Variants in TMEM132D observed in about 807,000 individuals in gnomAD.
TMEM132D encodes mature OL transmembrane protein.
In TMEM132D, 21 loss-of-function variants were observed where a neutral mutation model predicts 62.3. The ratio of observed to expected loss-of-function variants is 0.34; its 90% CI spans 0.24 to 0.49. TMEM132D has a LOEUF of 0.49. Among genes scored for constraint, TMEM132D ranks in the 20% least tolerant of loss-of-function variants. TMEM132D has a pLI of 0.99. For synonymous variants in TMEM132D, 621 were observed against 575.6 expected (o/e 1.08, Z -1.13); for missense variants, 1,346 against 1,402.8 (o/e 0.96, Z 0.65).
chr12:129,602,699 C>T (rs2137143967), intron 2 of TMEM132D, among the ~76,000 whole-genome samples: 1 of 152,266 alleles, frequency 6.6e-6, no homozygotes, highest in Non-Finnish European at 1.5e-5. Flanking sequence ...ACATCCCCTT[C>T]CCCACACATA....
chr12:129,450,329 A>C (rs1192734479), intron 3 of TMEM132D, among the ~76,000 whole-genome samples: 2 of 152,100 alleles, frequency 1.3e-5, no homozygotes, highest in Non-Finnish European at 2.9e-5. Context: ...GAGTTTTTAT[A>C]GTTTTGGGTT....
chr12:129,760,122 G>A (rs1870304233), intron 1 of TMEM132D, among the ~76,000 whole-genome samples: 1 of 151,934 alleles, frequency 6.6e-6, no homozygotes, highest in South Asian at 2.1e-4. Context: ...TTCCAGGCTG[G>A]CCTCGAACTC....
At chr12:129,349,493 G>A (rs1291000010) in intron 3 of TMEM132D, among the ~76,000 whole-genome samples, 1 of 152,168 alleles carries the variant, frequency 6.6e-6, no homozygotes, top group Non-Finnish European at 1.5e-5. Context: ...TCTACTCATT[G>A]GGGAAGAGAG....
intron 1 of TMEM132D, among the ~76,000 whole-genome samples, chr12:129,717,485 A>G (rs889284045): frequency 1.3e-5 from 2 of 149,900 alleles, no homozygotes; most frequent in Non-Finnish European, 3.0e-5. Context: ...AAATTTTAAT[A>G]AAATTAATAA....
chr12:129,668,194 T>C (rs1880421797), intron 2 of TMEM132D, among the ~76,000 whole-genome samples: 1 of 148,364 alleles, frequency 6.7e-6, no homozygotes, highest in African/African-American at 2.5e-5. Flanking sequence ...CCTAAGATTA[T>C]GGGAAACTTC....
chr12:129,257,308 GCCATTC>G (rs1880433275), intron 4 of TMEM132D, among the ~76,000 whole-genome samples: 1 of 148,934 alleles, frequency 6.7e-6, no homozygotes, highest in Non-Finnish European at 1.5e-5. Context: ...CCGGGTTCAC[GCCATTC>G]TCCTGCCTTA....
Position 129,602,118 on chromosome 12 carries a change from G to T in TMEM132D, c.969-70913C>A, listed in dbSNP as rs529292124. Among the ~76,000 whole-genome samples, 4 of 152,296 alleles carry T rather than the reference G, an allele frequency of 2.6e-5. No homozygotes were observed. In the South Asian group the frequency reaches 6.2e-4, roughly 24 times the overall value. On this transcript the variant is annotated intron_variant, in intron 2 of 8. Transcript: ENST00000422113. Reference sequence around the variant, plus strand: ...AGTACATAGGACAGGGTTTAGCAAAGATATGGTTCTTCATTGGCAGAACAG... The same window carrying T: ...AGTACATAGGACAGGGTTTAGCAAATATATGGTTCTTCATTGGCAGAACAG...
chr12:129,354,716 G>A (rs925075387), intron 3 of TMEM132D, among the ~76,000 whole-genome samples: 1 of 152,108 alleles, frequency 6.6e-6, no homozygotes, highest in African/African-American at 2.4e-5. Context: ...TGAATAAGGT[G>A]ACATTATTAC....
intron 4 of TMEM132D, among the ~76,000 whole-genome samples, chr12:129,222,200 T>C (rs1303982741): frequency 6.6e-6 from 1 of 152,178 alleles, no homozygotes; most frequent in African/African-American, 2.4e-5. Context: ...GCTGGGCATG[T>C]GGTCATGCCT....
At chr12:129,881,640 A>G (rs1874601139) in intron 1 of TMEM132D, among the ~76,000 whole-genome samples, 1 of 152,048 alleles carries the variant, frequency 6.6e-6, no homozygotes, top group Admixed American at 6.5e-5. Context: ...GACACAGATA[A>G]AAGAGTTCCT....
chr12:129,784,541 T>A (rs943839386), intron 1 of TMEM132D, among the ~76,000 whole-genome samples: 2 of 152,262 alleles, frequency 1.3e-5, no homozygotes, highest in Non-Finnish European at 2.9e-5. Flanking sequence ...GGTAAGCCCA[T>A]TTTCGGCATC....
chr12:129,579,396 A>G (rs537486221), intron 2 of TMEM132D, among the ~76,000 whole-genome samples: 65 of 152,210 alleles, frequency 4.3e-4, no homozygotes, highest in Non-Finnish European at 7.6e-4. Context: ...ACTGACTTAC[A>G]CAACCACAAG....
intron 2 of TMEM132D, among the ~76,000 whole-genome samples, chr12:129,674,839 C>T (rs117769820): frequency 2.0e-5 from 3 of 152,016 alleles, no homozygotes; most frequent in Non-Finnish European, 4.4e-5. Context: ...ACGCCTGGCT[C>T]GTTTTATGTT....
intron 3 of TMEM132D, among the ~76,000 whole-genome samples, chr12:129,456,967 T>C (rs1291096435): frequency 6.6e-6 from 1 of 152,058 alleles, no homozygotes; most frequent in Non-Finnish European, 1.5e-5. Context: ...TGTGGAGAAA[T>C]AGGAACACTT....
At chr12:129,760,249 T>G (rs1177183930) in intron 1 of TMEM132D, among the ~76,000 whole-genome samples, 1 of 151,364 alleles carries the variant, frequency 6.6e-6, no homozygotes, top group African/African-American at 2.4e-5. Context: ...CCTTTCCCAG[T>G]ATCCCCTGAA....
chr12:129,443,485 C>T (rs1872998391), intron 3 of TMEM132D, among the ~76,000 whole-genome samples: 2 of 152,140 alleles, frequency 1.3e-5, no homozygotes, highest in African/African-American at 2.4e-5. Flanking sequence ...GCCGAGGAAC[C>T]GTGACGCAAG....
chr12:129,495,448 T>C (rs1033163794), intron 3 of TMEM132D, among the ~76,000 whole-genome samples: 2 of 152,086 alleles, frequency 1.3e-5, no homozygotes, highest in African/African-American at 4.8e-5. Flanking sequence ...ACACAGCAGA[T>C]GGGATTTTCC....
chr12:129,407,709 A>T (rs374927688), intron 3 of TMEM132D, among the ~76,000 whole-genome samples: 2 of 151,888 alleles, frequency 1.3e-5, no homozygotes, highest in East Asian at 3.9e-4. Flanking sequence ...GATCGAGACC[A>T]TCCTGGCTAA....
chr12:129,287,291 A>G (rs1257896424), intron 4 of TMEM132D, among the ~76,000 whole-genome samples: 2 of 152,230 alleles, frequency 1.3e-5, no homozygotes, highest in Admixed American at 6.5e-5. Flanking sequence ...ACAAATATCC[A>G]TGAGTTCAGA....
Sources: allele counts gnomAD v4.1 joint callset (sites outside exome capture counted in the v4.1 genomes callset), GRCh38; gene constraint gnomAD v4.1.1; transcripts MANE v1.5; gene names NCBI Gene and HGNC (gene_info 2026-07-23, HGNC 2026-07-21).